The following SGCZ variants were observed in gnomAD, a reference collection of about 807,000 sequenced individuals.
SGCZ encodes the protein zeta-sarcoglycan.
Under a neutral mutation model 41.3 loss-of-function variants are expected in SGCZ, and 40 were observed. The ratio of observed to expected loss-of-function variants is 0.97; its 90% CI spans 0.75 to 1.26. SGCZ has a LOEUF of 1.26. Ranked by LOEUF, SGCZ falls within the 50% of genes most tolerant of loss-of-function variation. The pLI is 0.00. For synonymous variants in SGCZ, 206 were observed against 137.5 expected (o/e 1.50, Z -3.49); for missense variants, 552 against 369.8 (o/e 1.49, Z -4.04).
intron 2 of SGCZ, among the ~76,000 whole-genome samples, chr8:14,550,841 A>G (rs912785508): frequency 2.0e-5 from 3 of 152,056 alleles, no homozygotes; most frequent in African/African-American, 7.2e-5. Flanking sequence ...AAATATCGTA[A>G]AATGATCTCT....
chr8:14,331,169 A>G (rs1802306668), intron 2 of SGCZ, among the ~76,000 whole-genome samples: 1 of 151,986 alleles, frequency 6.6e-6, no homozygotes. Flanking sequence ...AGACATTAAG[A>G]ATTAAATATT....
chr8:14,378,634 T>C (rs1804234135), intron 2 of SGCZ, among the ~76,000 whole-genome samples: 1 of 152,152 alleles, frequency 6.6e-6, no homozygotes, highest in Non-Finnish European at 1.5e-5. Context: ...TGAGAACCCT[T>C]GATTTATAGC....
chr8:15,122,010 C>T (rs150980785), intron 1 of SGCZ, among the ~76,000 whole-genome samples: 5 of 150,514 alleles, frequency 3.3e-5, no homozygotes, highest in African/African-American at 7.3e-5. Flanking sequence ...AAATGTAATA[C>T]AAAAATTTCA....
chr8:15,024,754 G>C lies in SGCZ; in HGVS notation c.39+212831C>G, dbSNP rs973595621. ...GATCGAGACTGTCCTGGCTAACATG[G>C]TGAAACCCCATCTCTACTAAAAATA... On this transcript the variant is annotated intron_variant, in intron 1 of 7. Transcript: ENST00000382080. 1.4e-4 allele frequency among the ~76,000 whole-genome samples: 22 copies of C among 152,060 alleles called. 1 individual carries two copies. Among genetic ancestry groups the C allele is most frequent in the Admixed American group, 1.2e-3 (19 of 15,270 alleles).
intron 2 of SGCZ, among the ~76,000 whole-genome samples, chr8:14,500,385 G>C (rs1308492810): frequency 1.3e-5 from 2 of 151,674 alleles, no homozygotes; most frequent in Non-Finnish European, 2.9e-5. Context: ...TAAGCAACAA[G>C]GAGAGCTAAA....
chr8:14,868,985 T>G (rs546112170), intron 1 of SGCZ, among the ~76,000 whole-genome samples: 2 of 152,154 alleles, frequency 1.3e-5, no homozygotes, highest in South Asian at 4.1e-4. Flanking sequence ...ACCAGACAGA[T>G]TCACAGCCGA....
intron 2 of SGCZ, among the ~76,000 whole-genome samples, chr8:14,499,909 A>C (rs914628901): frequency 2.0e-5 from 3 of 151,954 alleles, no homozygotes; most frequent in Admixed American, 6.6e-5. Context: ...GAACTTGGAC[A>C]TTTTTTCTAG....
chr8:15,229,535 C>T (rs1801881412), intron 1 of SGCZ, among the ~76,000 whole-genome samples: 1 of 152,148 alleles, frequency 6.6e-6, no homozygotes, highest in African/African-American at 2.4e-5. Context: ...CTTAGGAGTA[C>T]AACTAATTCT....
intron 1 of SGCZ, among the ~76,000 whole-genome samples, chr8:15,235,858 A>G (rs1380329799): frequency 6.6e-6 from 1 of 152,206 alleles, no homozygotes; most frequent in African/African-American, 2.4e-5. Flanking sequence ...AACACAGATC[A>G]CAATCATTAT....
intron 3 of SGCZ, among the ~76,000 whole-genome samples, chr8:14,289,237 G>A (rs1423388493): frequency 7.5e-5 from 11 of 146,346 alleles, no homozygotes; most frequent in Admixed American, 4.8e-4. Context: ...TTACTTTCTT[G>A]ATACTGTCCT....
chr8:15,069,844 A>C (rs886370617), intron 1 of SGCZ, among the ~76,000 whole-genome samples: 3 of 152,194 alleles, frequency 2.0e-5, no homozygotes, highest in African/African-American at 4.8e-5. Flanking sequence ...CTTATTTCTT[A>C]GCTGCTTTAA....
chr8:14,446,829 G>C (rs955194323), intron 2 of SGCZ, among the ~76,000 whole-genome samples: 14 of 152,090 alleles, frequency 9.2e-5, no homozygotes, highest in African/African-American at 2.7e-4. Flanking sequence ...GACCATTATA[G>C]TGTTATTTTT....
chr8:14,855,076 C>A (rs527523235), intron 1 of SGCZ, among the ~76,000 whole-genome samples: 1 of 151,602 alleles, frequency 6.6e-6, no homozygotes, highest in Non-Finnish European at 1.5e-5. Flanking sequence ...TATTTAGAGA[C>A]GGAGTCTTGC....
intron 1 of SGCZ, among the ~76,000 whole-genome samples, chr8:15,171,364 G>A (rs913806366): frequency 6.6e-6 from 1 of 152,176 alleles, no homozygotes; most frequent in Non-Finnish European, 1.5e-5. Context: ...AACAGATCTA[G>A]AAACATAAAT....
chr8:14,533,029 T>C (rs1357197416), intron 2 of SGCZ, among the ~76,000 whole-genome samples: 1 of 152,092 alleles, frequency 6.6e-6, no homozygotes, highest in Non-Finnish European at 1.5e-5. Context: ...AGTTCTAGTG[T>C]ACATGTGCAC....
intron 4 of SGCZ, among the ~76,000 whole-genome samples, chr8:14,193,119 C>G (rs1805158126): frequency 6.6e-6 from 1 of 151,624 alleles, no homozygotes; most frequent in East Asian, 1.9e-4. Flanking sequence ...ATTCTTAAAT[C>G]AAGTTTTCTT....
In SGCZ at chr8:14,276,536, A is replaced by G. The variant is rs187946428; in HGVS notation, c.337-38857T>C. Among the ~76,000 whole-genome samples the G allele has an allele frequency of 5.5e-4, 84 of 152,226 alleles. 2 individuals carry two copies. Among genetic ancestry groups the G allele is most frequent in the Admixed American group, 4.5e-3 (69 of 15,280 alleles). ...GTACCTCAACTGTTAATAATTCTAC[A>G]TCTTTTTTATCACTGGACTCTGCTC... On this transcript the variant is annotated intron_variant, in intron 3 of 7. Transcript: ENST00000382080.
At chr8:14,717,148 A>G (rs541820222) in intron 1 of SGCZ, among the ~76,000 whole-genome samples, 1 of 152,210 alleles carries the variant, frequency 6.6e-6, no homozygotes, top group South Asian at 2.1e-4. Flanking sequence ...ATTACTCAAT[A>G]TTATTTTGTA....
At chr8:14,092,250 G>T (rs568490668) in intron 7 of SGCZ, among the ~76,000 whole-genome samples, 1 of 151,980 alleles carries the variant, frequency 6.6e-6, no homozygotes, top group Non-Finnish European at 1.5e-5. Flanking sequence ...ATCAGGTAGC[G>T]TGATGCCTCC....
Sources: allele counts gnomAD v4.1 joint callset (sites outside exome capture counted in the v4.1 genomes callset), GRCh38; gene constraint gnomAD v4.1.1; transcripts MANE v1.5; gene names NCBI Gene and HGNC (gene_info 2026-07-23, HGNC 2026-07-21).